The following C2CD5 variants were observed in gnomAD, a reference collection of about 807,000 sequenced individuals.
C2CD5 encodes C2 domain-containing protein 5.
C2CD5 carries 109 observed loss-of-function variants against 130.3 expected under a neutral mutation model. That is an observed-to-expected ratio of 0.84 (90% confidence interval 0.72 to 0.98). The LOEUF is 0.98. C2CD5 is among the 50% of genes least tolerant of loss of function. The pLI is 0.00. For synonymous variants in C2CD5, 454 were observed against 429.2 expected (o/e 1.06, Z -0.71); for missense variants, 996 against 1,261.8 (o/e 0.79, Z 3.19).
intron 10 of C2CD5, among the ~76,000 whole-genome samples, chr12:22,504,735 G>A (rs1307909642): frequency 6.6e-6 from 1 of 152,168 alleles, no homozygotes; most frequent in Non-Finnish European, 1.5e-5. Flanking sequence ...AGAAACACAG[G>A]TAACTAGCCT....
chr12:22,529,487 A>G (rs933297635), intron 3 of C2CD5, among the ~76,000 whole-genome samples: 8 of 152,256 alleles, frequency 5.3e-5, no homozygotes, highest in Middle Eastern at 3.4e-3. Context: ...TGCTATACTA[A>G]CAACTAAGTG....
At chr12:22,508,150 T>C (rs1200301418) in intron 9 of C2CD5, among the ~76,000 whole-genome samples, 3 of 152,140 alleles carry the variant, frequency 2.0e-5, no homozygotes, top group African/African-American at 4.8e-5. Flanking sequence ...ACAAAAGCTA[T>C]CAGTCCTGTG....
intron 3 of C2CD5, among the ~76,000 whole-genome samples, chr12:22,532,214 C>A (rs760181160): frequency 2.0e-5 from 3 of 151,768 alleles, no homozygotes; most frequent in Non-Finnish European, 4.4e-5. Context: ...ACTGTACTCC[C>A]AGCTACTCAA....
chr12:22,533,397 A>G (rs61080924), intron 3 of C2CD5, among the ~76,000 whole-genome samples: 27,765 of 152,184 alleles, frequency 0.18, 5,281 homozygotes, highest in African/African-American at 0.49. Flanking sequence ...CAGTCTGTAA[A>G]TGAGAACTGT....
intron 9 of C2CD5, chr12:22,512,829 T>C: frequency 2.1e-6 from 1 of 481,222 alleles, no homozygotes; most frequent in Non-Finnish European, 3.6e-6. Flanking sequence ...AACCACATTA[T>C]TTATATTAAT....
intron 14 of C2CD5, among the ~76,000 whole-genome samples, chr12:22,480,803 ATT>A (rs769196605): frequency 2.1e-5 from 3 of 145,528 alleles, no homozygotes; most frequent in Non-Finnish European, 3.0e-5. Context: ...TATAAAAGAA[ATT>A]TTTTTTTTTT....
intron 1 of C2CD5, 45 bp downstream of exon 1, chr12:22,544,275 G>GGCGCGCGCGGGC: frequency 1.4e-6 from 1 of 732,436 alleles, no homozygotes; most frequent in South Asian, 2.1e-5. Flanking sequence ...AGCGCGCGGG[G>GGCGCGCGCGGGC]GCGCGCGCGG....
intron 10 of C2CD5, among the ~76,000 whole-genome samples, chr12:22,499,397 C>G (rs1947458211): frequency 6.6e-6 from 1 of 152,180 alleles, no homozygotes; most frequent in Non-Finnish European, 1.5e-5. Flanking sequence ...AACTATTCAC[C>G]TTTGGAAAAC....
intron 10 of C2CD5, among the ~76,000 whole-genome samples, chr12:22,500,208 A>AG (rs1292351490): frequency 6.6e-5 from 10 of 151,804 alleles, no homozygotes; most frequent in Admixed American, 6.6e-4. Context: ...CTAACGCTGT[A>AG]GTTAACACAA....
At chr12:22,487,844 C>T (rs1388948024) in intron 12 of C2CD5, among the ~76,000 whole-genome samples, 2 of 152,074 alleles carry the variant, frequency 1.3e-5, no homozygotes, top group African/African-American at 2.4e-5. Context: ...AAATGTGGCA[C>T]CTAGACACCA....
rs774869482 is a variant in C2CD5, at chr12:22,469,730, G to A, written c.2512C>T (p.His838Tyr). The change falls in exon 22 of 27, where the codon CAT (histidine) becomes TAT (tyrosine). Residue 838 changes from histidine to tyrosine, a missense_variant. Coordinates refer to ENST00000446597, the MANE Select transcript of C2CD5 (RefSeq NM_001286176.2). The stretch of plus-strand genomic sequence containing the variant: ...CAACCTTTAGCTGGTGGAAAAGGAT[G>A]AGAAGGAAGTGAATCTGAACACAGT... ...LELCSDSLPS[H>Y]PFPPAKEHLE... is the part of the protein sequence containing the mutation. 3.2e-5 allele frequency: 52 copies of A among 1,603,486 alleles called. No homozygotes were observed. The highest frequency in any genetic ancestry group is 4.3e-5 in the Non-Finnish European group (50 of 1,174,956).
intron 6 of C2CD5, 52 bp downstream of exon 6, chr12:22,524,420 A>C: frequency 2.6e-6 from 4 of 1,537,884 alleles, no homozygotes; most frequent in Non-Finnish European, 3.6e-6. Context: ...GAAAGCAAAA[A>C]ATTTAAGAGA....
chr12:22,484,739 GTTGGGAGGTCT>G lies in C2CD5; in HGVS notation c.1497_1507del (p.Asp500ArgfsTer33). On this transcript the variant is annotated frameshift_variant, in exon 13 of 27. Transcript: ENST00000446597. LOFTEE classifies it high-confidence loss of function. ...ACCTTTTCCAATAACTGTTGCATCT[GTTGGGAGGTCT>G]ATAGTTGTAAACAGAACATCAGGAA... 1 of 1,600,812 alleles carries G rather than the reference GTTGGGAGGTCT, an allele frequency of 6.2e-7. No homozygotes were observed. The highest frequency in any genetic ancestry group is 2.3e-5 in the East Asian group (1 of 44,390).
At chr12:22,521,572 A>G (rs1417381847) in intron 7 of C2CD5, among the ~76,000 whole-genome samples, 1 of 152,166 alleles carries the variant, frequency 6.6e-6, no homozygotes, top group African/African-American at 2.4e-5. Flanking sequence ...AGAGAGAGGG[A>G]AAAAAATCTG....
chr12:22,482,494 A>C, intron 14 of C2CD5, 63 bp downstream of exon 14: 1 of 1,355,604 alleles, frequency 7.4e-7, no homozygotes, highest in Non-Finnish European at 1.0e-6. Flanking sequence ...TTTGAATCAC[A>C]TAACATAGAA....
chr12:22,513,144 T>C, intron 9 of C2CD5, 150 bp downstream of exon 9: 1 of 499,200 alleles, frequency 2.0e-6, no homozygotes, highest in Non-Finnish European at 3.6e-6. Flanking sequence ...ACAAATTACT[T>C]TGACACCTTA....
At chr12:22,485,112 G>C (rs1320774332) in intron 12 of C2CD5, among the ~76,000 whole-genome samples, 3 of 152,020 alleles carry the variant, frequency 2.0e-5, no homozygotes, top group Admixed American at 6.6e-5. Flanking sequence ...CAATTGCAAA[G>C]TCATTTTGCA....
intron 13 of C2CD5, 35 bp downstream of exon 13, chr12:22,484,662 T>C: frequency 1.6e-6 from 2 of 1,285,516 alleles, no homozygotes; most frequent in Non-Finnish European, 2.1e-6. Context: ...CTCATACTTT[T>C]TCAGGGACAC....
rs971818413 is a variant in C2CD5, at chr12:22,448,811, A to G, written c.*949T>C. On this transcript the variant is annotated 3_prime_UTR_variant, in exon 27 of 27. Coordinates refer to ENST00000446597, the MANE Select transcript of C2CD5 (RefSeq NM_001286176.2). The stretch of plus-strand genomic sequence containing the variant: ...ACAGAAAAAGTCTTTCTATGTATAC[A>G]TTCAACATTTTGCAGCATATTTACA... 2.0e-5 allele frequency: 3 copies of G among 152,598 alleles called. No homozygotes were observed. Among genetic ancestry groups the G allele is most frequent in the African/African-American group, 4.8e-5 (2 of 41,450 alleles). The allele number at this position is 152,598 out of a possible 1,614,324, so 9.5% of individuals were successfully genotyped here. A position where few individuals can be genotyped will look rare whatever the true frequency, so the allele number is the denominator to read the frequency against.
Sources: allele counts gnomAD v4.1 joint callset (sites outside exome capture counted in the v4.1 genomes callset), GRCh38; gene constraint gnomAD v4.1.1; transcripts MANE v1.5; gene names NCBI Gene and HGNC (gene_info 2026-07-23, HGNC 2026-07-21).